DCAF5: variants seen among roughly 807,000 people sequenced by gnomAD.
The protein encoded by DCAF5 is DDB1 and CUL4 associated factor 5.
In DCAF5, 9 loss-of-function variants were observed where a neutral mutation model predicts 80.7. The observed-to-expected ratio is 0.11, with a 90% CI of 0.07 to 0.19. The LOEUF (loss-of-function observed/expected upper bound fraction) is 0.19. Among genes scored for constraint, DCAF5 ranks in the 10% least tolerant of loss-of-function variants. DCAF5 has a pLI of 1.00. For synonymous variants in DCAF5, 433 were observed against 461.9 expected, an observed-to-expected ratio of 0.94 and a Z score of 0.80; for missense variants, 842 against 1,205.7, an observed-to-expected ratio of 0.70 and a Z score of 4.47.
At chr14:69,075,263 A>T in intron 7 of DCAF5, 82 bp downstream of exon 7, 1 of 1,076,380 alleles carries the variant, frequency 9.3e-7, no homozygotes, top group Non-Finnish European at 1.4e-6. Flanking sequence ...CTACTGCTAA[A>T]GATCTGTCCC....
Position 69,153,092 on chromosome 14 carries a change from AC to A in DCAF5, c.-115del. On this transcript the variant is annotated 5_prime_UTR_variant, in exon 1 of 9. The change abolishes the stop of an existing upstream ORF in the 5' untranslated region. Coordinates refer to ENST00000341516, the MANE Select transcript of DCAF5 (RefSeq NM_003861.3). ...GCGCTGCGATCCGGATGGTTCTTTA[AC>A]CAGCCATGGCAGGCAGAGCGAGGTG... 1 of 821,382 alleles carries A rather than the reference AC, an allele frequency of 1.2e-6. No individual in the cohort carries two copies. Among genetic ancestry groups the A allele is most frequent in the Non-Finnish European group, 1.7e-6 (1 of 575,888 alleles). The allele number at this position is 821,382 out of a possible 1,614,324, so 50.9% of individuals were successfully genotyped here. A position where few individuals can be genotyped will look rare whatever the true frequency, so the allele number is the denominator to read the frequency against.
intron 5 of DCAF5, among the ~76,000 whole-genome samples, chr14:69,115,771 A>G (rs1212011684): frequency 6.6e-6 from 1 of 152,204 alleles, no homozygotes; most frequent in East Asian, 1.9e-4. Flanking sequence ...TGCCATGTGG[A>G]GAAACACATG....
chr14:69,075,680 C>T (rs966811032), intron 6 of DCAF5, among the ~76,000 whole-genome samples: 7 of 152,088 alleles, frequency 4.6e-5, no homozygotes, highest in Non-Finnish European at 7.4e-5. Flanking sequence ...GATGGGGTTT[C>T]ACCATGTTGG....
At chr14:69,074,051 T>C (rs1267343351) in intron 7 of DCAF5, among the ~76,000 whole-genome samples, 1 of 152,238 alleles carries the variant, frequency 6.6e-6, no homozygotes, top group Non-Finnish European at 1.5e-5. Flanking sequence ...GTAACTTGTT[T>C]AGTAACTAGA....
At chr14:69,129,096 GC>G (rs1447846269) in intron 1 of DCAF5, among the ~76,000 whole-genome samples, 2 of 152,108 alleles carry the variant, frequency 1.3e-5, no homozygotes, top group Non-Finnish European at 2.9e-5. Flanking sequence ...ATTTCATTTT[GC>G]CTAGTACTCA....
intron 6 of DCAF5, chr14:69,090,961 C>A: frequency 1.6e-6 from 1 of 624,322 alleles, no homozygotes. Context: ...TTTGTCTTTC[C>A]TCGGCTTGGT....
intron 2 of DCAF5, 22 bp from the exon 3 acceptor site, chr14:69,119,252 A>G (rs1011990184): frequency 5.6e-6 from 9 of 1,612,288 alleles, no homozygotes; most frequent in Non-Finnish European, 7.6e-6. Flanking sequence ...AAAAGCAGAC[A>G]TCTGATCATT....
At chr14:69,070,873 GT>G (rs2038663135) in intron 7 of DCAF5, among the ~76,000 whole-genome samples, 1 of 151,208 alleles carries the variant, frequency 6.6e-6, no homozygotes, top group African/African-American at 2.4e-5. Flanking sequence ...TCTCGGCTCA[GT>G]GCAACCTCTC....
intron 5 of DCAF5, among the ~76,000 whole-genome samples, chr14:69,116,115 T>A (rs962063360): frequency 1.3e-5 from 2 of 152,166 alleles, no homozygotes; most frequent in Non-Finnish European, 2.9e-5. Context: ...CTACTTCAGA[T>A]AATTGCCTAA....
intron 8 of DCAF5, among the ~76,000 whole-genome samples, chr14:69,057,371 T>C (rs2038018674): frequency 6.6e-6 from 1 of 152,054 alleles, no homozygotes; most frequent in Non-Finnish European, 1.5e-5. Context: ...GCATCTTATT[T>C]GTAATTCTGA....
chr14:69,060,073 C>G (rs2038148133), intron 8 of DCAF5, among the ~76,000 whole-genome samples: 1 of 152,074 alleles, frequency 6.6e-6, no homozygotes, highest in African/African-American at 2.4e-5. Context: ...GATACCCAAG[C>G]AGAAAGCTCT....
chr14:69,131,051 C>T (rs953096791), intron 1 of DCAF5, among the ~76,000 whole-genome samples: 1 of 152,014 alleles, frequency 6.6e-6, no homozygotes, highest in African/African-American at 2.4e-5. Context: ...TCCTTGTGTC[C>T]GTAAAGTATC....
At chr14:69,140,536 T>A (rs569163731) in intron 1 of DCAF5, among the ~76,000 whole-genome samples, 1 of 152,204 alleles carries the variant, frequency 6.6e-6, no homozygotes, top group South Asian at 2.1e-4. Flanking sequence ...AGTTAAACAC[T>A]CCTCAGGAAA....
intron 8 of DCAF5, among the ~76,000 whole-genome samples, chr14:69,058,507 G>A (rs543774998): frequency 6.7e-6 from 1 of 150,018 alleles, no homozygotes; most frequent in East Asian, 2.0e-4. Context: ...TGACAAGAGC[G>A]AAATCCTGTC....
Position 69,099,251 on chromosome 14 carries a change from A to AACACACACACACAC in DCAF5, c.666-7378_666-7365dup, listed in dbSNP as rs60913200. On this transcript the variant is annotated intron_variant, in intron 5 of 8. Transcript: ENST00000341516. ...TGGCAACAGAGTGGGACTCTGTCTC[A>AACACACACACACAC]ACACACACACACACACACACACACA... 3.5e-4 allele frequency among the ~76,000 whole-genome samples: 44 copies of AACACACACACACAC among 124,350 alleles called. 1 individual carries two copies. Among genetic ancestry groups the AACACACACACACAC allele is most frequent in the African/African-American group, 8.7e-4 (29 of 33,252 alleles). The allele number at this position is 124,350 out of a possible 152,430, so 81.6% of individuals were successfully genotyped here. A position where few individuals can be genotyped will look rare whatever the true frequency, so the allele number is the denominator to read the frequency against.
At chr14:69,065,726 TCTC>T (rs2038412574) in intron 7 of DCAF5, among the ~76,000 whole-genome samples, 1 of 152,192 alleles carries the variant, frequency 6.6e-6, no homozygotes, top group African/African-American at 2.4e-5. Flanking sequence ...CCAGATAGCT[TCTC>T]CTTTAATTTG....
At chr14:69,082,450 G>A (rs761395840) in intron 6 of DCAF5, among the ~76,000 whole-genome samples, 16 of 90,442 alleles carry the variant, frequency 1.8e-4, no homozygotes, top group Admixed American at 4.2e-4. Context: ...TATGGGTTCT[G>A]TGTAGAAAAA....
intron 6 of DCAF5, among the ~76,000 whole-genome samples, chr14:69,078,182 G>GA (rs1335581808): frequency 6.6e-6 from 1 of 152,086 alleles, no homozygotes; most frequent in African/African-American, 2.4e-5. Flanking sequence ...CAACAACAAA[G>GA]AAAAAACAAC....
chr14:69,113,284 C>T (rs1456014711), intron 5 of DCAF5, among the ~76,000 whole-genome samples: 1 of 152,094 alleles, frequency 6.6e-6, no homozygotes, highest in African/African-American at 2.4e-5. Context: ...ACCCACATGC[C>T]TGTGCAATTA....
Sources: allele counts gnomAD v4.1 joint callset (sites outside exome capture counted in the v4.1 genomes callset), GRCh38; gene constraint gnomAD v4.1.1; transcripts MANE v1.5; gene names NCBI Gene and HGNC (gene_info 2026-07-23, HGNC 2026-07-21).